The following BTBD3 variants were observed in gnomAD, a reference collection of about 807,000 sequenced individuals.
The protein encoded by BTBD3 is BTB domain containing 3.
In BTBD3, 14 loss-of-function variants were observed where a neutral mutation model predicts 41.6. The observed-to-expected ratio is 0.34, with a 90% confidence interval of 0.22 to 0.53. BTBD3 has a LOEUF of 0.53. Ranked by LOEUF, BTBD3 falls within the 20% of genes least tolerant of loss-of-function variation. BTBD3 has a pLI of 0.95. For missense variants in BTBD3, 426 were observed against 654.7 expected (o/e 0.65, Z 3.81); for synonymous variants, 249 against 233.7 (o/e 1.07, Z -0.60).
chr20:11,898,895 A>G (rs1375374781), intron 1 of BTBD3, among the ~76,000 whole-genome samples: 1 of 152,212 alleles, frequency 6.6e-6, no homozygotes, highest in Non-Finnish European at 1.5e-5. Flanking sequence ...AGCCTGGCCA[A>G]GTGCCCTGAT....
chr20:11,900,851 G>A (rs1455819555), intron 1 of BTBD3, among the ~76,000 whole-genome samples: 1 of 151,776 alleles, frequency 6.6e-6, no homozygotes, highest in African/African-American at 2.4e-5. Flanking sequence ...GGGACTATAG[G>A]TGCCCGCCAC....
At chr20:11,916,795 A>G (rs1196995943), upstream of BTBD3, among the ~76,000 whole-genome samples, 1 of 152,162 alleles carries the variant, frequency 6.6e-6, no homozygotes, top group African/African-American at 2.4e-5. Flanking sequence ...CTGTGCTTTG[A>G]ACAAATGAGC....
chr20:11,898,359 C>G (rs1372203302), intron 1 of BTBD3, among the ~76,000 whole-genome samples: 3 of 151,534 alleles, frequency 2.0e-5, no homozygotes, highest in African/African-American at 7.3e-5. Flanking sequence ...AATATTTATC[C>G]TACCCCCCCA....
chr20:11,911,897 GAC>G (rs1361376248), intron 1 of BTBD3, among the ~76,000 whole-genome samples: 1 of 152,168 alleles, frequency 6.6e-6, no homozygotes, highest in Non-Finnish European at 1.5e-5. Context: ...TGCACACTGA[GAC>G]ACAGTGTGTA....
At chr20:11,919,880 A>C in intron 3 of BTBD3, 44 bp downstream of exon 3, 2 of 1,500,004 alleles carry the variant, frequency 1.3e-6, no homozygotes, top group Non-Finnish European at 1.9e-6. Context: ...TTTATGCTGT[A>C]TTTGTACCCT....
chr20:11,912,996 T>TTAAA (rs561095775), upstream of BTBD3, among the ~76,000 whole-genome samples: 54 of 152,368 alleles, frequency 3.5e-4, no homozygotes, highest in Middle Eastern at 3.4e-3. Flanking sequence ...AGCATAATTT[T>TTAAA]TGCTCAGTAT....
chr20:11,896,959 C>T (rs773378697), intron 1 of BTBD3, among the ~76,000 whole-genome samples: 1 of 152,228 alleles, frequency 6.6e-6, no homozygotes, highest in Non-Finnish European at 1.5e-5. Flanking sequence ...ACTCAAGTCA[C>T]ATCTTTACCT....
Position 11,926,099 on chromosome 20 carries a change from T to A in BTBD3, c.*2433T>A, listed in dbSNP as rs914881029. On this transcript the variant is annotated 3_prime_UTR_variant, in exon 4 of 4. Coordinates refer to ENST00000378226, the MANE Select transcript of BTBD3 (RefSeq NM_014962.4). ...ATGCTTGCTTTATTTACTTTTGTAA[T>A]CTTGGATTTTGTAGCTTTTAAAACT... 1 of 152,552 alleles carries A rather than the reference T, an allele frequency of 6.6e-6. No individual in the cohort carries two copies. The highest frequency in any genetic ancestry group is 2.4e-5 in the African/African-American group (1 of 41,456). The allele number at this position is 152,552 out of a possible 1,614,324, so 9.4% of individuals were successfully genotyped here. A position where few individuals can be genotyped will look rare whatever the true frequency, so the allele number is the denominator to read the frequency against.
intron 1 of BTBD3, among the ~76,000 whole-genome samples, chr20:11,899,758 C>CT (rs1394894460): frequency 6.6e-6 from 1 of 152,138 alleles, no homozygotes; most frequent in Non-Finnish European, 1.5e-5. Context: ...CTTTCCTCCT[C>CT]TTTCTTAATA....
intron 1 of BTBD3, among the ~76,000 whole-genome samples, chr20:11,901,920 A>T (rs778718474): frequency 3.3e-5 from 5 of 152,182 alleles, no homozygotes; most frequent in Admixed American, 6.5e-5. Context: ...GAATCCTACT[A>T]AAATGTACAA....
chr20:11,916,540 A>G (rs2056918823), upstream of BTBD3, among the ~76,000 whole-genome samples: 1 of 152,232 alleles, frequency 6.6e-6, no homozygotes, highest in African/African-American at 2.4e-5. Flanking sequence ...GGCTTTGCAA[A>G]TGGTTTTAAG....
At chr20:11,892,846 C>G (rs1194304894) in intron 1 of BTBD3, among the ~76,000 whole-genome samples, 1 of 152,182 alleles carries the variant, frequency 6.6e-6, no homozygotes, top group Non-Finnish European at 1.5e-5. Flanking sequence ...AACTCCACAT[C>G]TGTGCGGAAA....
intron 1 of BTBD3, among the ~76,000 whole-genome samples, chr20:11,894,438 T>A (rs2056774179): frequency 6.6e-6 from 1 of 152,224 alleles, no homozygotes; most frequent in African/African-American, 2.4e-5. Context: ...GTGTTCATCA[T>A]CTTTCCTGAT....
intron 1 of BTBD3, among the ~76,000 whole-genome samples, chr20:11,901,959 T>C (rs1360768713): frequency 6.6e-6 from 1 of 152,162 alleles, no homozygotes; most frequent in Non-Finnish European, 1.5e-5. Context: ...AGAGTGAAGA[T>C]GGGAAGGTGT....
chr20:11,898,177 A>G (rs543396470), intron 1 of BTBD3, among the ~76,000 whole-genome samples: 1 of 152,090 alleles, frequency 6.6e-6, no homozygotes, highest in African/African-American at 2.4e-5. Context: ...AAATAAATAA[A>G]TAAAAATTAA....
chr20:11,891,281 C>T (rs2056751895), intron 1 of BTBD3: 1 of 151,308 alleles, frequency 6.6e-6, no homozygotes, highest in South Asian at 2.1e-4. Context: ...GGGAGGGGCG[C>T]ACGAGCCCGC....
Position 11,924,013 on chromosome 20 carries a change from C to T in BTBD3, c.*347C>T, listed in dbSNP as rs16992793. On this transcript the variant is annotated 3_prime_UTR_variant, in exon 4 of 4. Transcript: ENST00000378226. Reference sequence around the variant, plus strand: ...GGATCACCTTGAATTTCCTTTTGGACGTTATTTGATGAACAGAAATAAAGT... The same window carrying T: ...GGATCACCTTGAATTTCCTTTTGGATGTTATTTGATGAACAGAAATAAAGT... The T allele has an allele frequency of 9.7e-3, 1,948 of 201,222 alleles. 31 individuals are homozygous for T. Among genetic ancestry groups the T allele is most frequent in the African/African-American group, 0.042 (1,819 of 43,064 alleles). 12.5% of individuals were successfully genotyped at this position (201,222 alleles called of 1,614,324 possible). A position where few individuals can be genotyped will look rare whatever the true frequency, so the allele number is the denominator to read the frequency against.
chr20:11,911,069 A>AT (rs1378341205), intron 1 of BTBD3, among the ~76,000 whole-genome samples: 11 of 152,232 alleles, frequency 7.2e-5, no homozygotes, highest in Admixed American at 2.6e-4. Flanking sequence ...AATTGTACAA[A>AT]TTTTACCGTA....
At chr20:11,906,196 T>A (rs1213356139) in intron 1 of BTBD3, among the ~76,000 whole-genome samples, 1 of 148,848 alleles carries the variant, frequency 6.7e-6, no homozygotes, top group East Asian at 2.0e-4. Context: ...ACTTTCCAGT[T>A]TTGGCCAAAA....
Sources: gnomAD v4.1 joint callset for allele counts (sites outside exome capture counted in the v4.1 genomes callset) on GRCh38, gnomAD v4.1.1 for gene constraint, MANE v1.5 for transcripts, NCBI Gene and HGNC (gene_info 2026-07-23, HGNC 2026-07-21) for gene names.